Variants in EPHB4 observed in about 807,000 individuals in gnomAD.
EPHB4 encodes ephrin type-B receptor 4.
A neutral mutation model predicts 110.6 loss-of-function variants in EPHB4; 50 were observed. The observed-to-expected ratio is 0.45, with a 90% CI of 0.36 to 0.57. EPHB4 has a LOEUF of 0.57. Ranked by LOEUF, EPHB4 falls within the 20% of genes least tolerant of loss-of-function variation. EPHB4 has a pLI of 0.00. For synonymous variants in EPHB4, 592 were observed against 578.4 expected, an observed-to-expected ratio of 1.02 and a Z score of -0.34; for missense variants, 1,128 against 1,382.1, an observed-to-expected ratio of 0.82 and a Z score of 2.91.
chr7:100,804,557 T>C (rs1365731743), intron 16 of EPHB4, among the ~76,000 whole-genome samples: 2 of 151,356 alleles, frequency 1.3e-5, no homozygotes, highest in African/African-American at 4.9e-5. Context: ...TCAAGTGATC[T>C]GCCCACCTCG....
chr7:100,820,185 C>A lies in EPHB4; in HGVS notation c.920G>T (p.Gly307Val), dbSNP rs1223760279. The change falls in exon 5 of 17, where the codon GGG becomes GTG. Residue 307 changes from glycine (G) to valine (V), a missense_variant. Transcript: ENST00000358173. The stretch of plus-strand genomic sequence containing the variant: ...GGGGTCTGTGCGTGCCCGGAAGTAC[C>A]CGACGCGGCACTGGCAGACGGCTGA... ...IGSAVCQCRV[G>V]YFRARTDPRG... is the part of the protein sequence containing the mutation. 3 of 1,613,918 alleles carry A rather than the reference C, an allele frequency of 1.9e-6. No individual in the cohort carries two copies. The African/African-American group carries it at 4.0e-5, about 22-fold the overall frequency.
At position 100,822,984 on chromosome 7, in the gene EPHB4, G is replaced by C. The variant is rs1043059030; in HGVS notation, c.412-317C>G. On this transcript the variant is annotated intron_variant, in intron 3 of 16. Coordinates refer to ENST00000358173, the MANE Select transcript of EPHB4 (RefSeq NM_004444.5). This position sits in a 1 kb window ranked among gnomAD's most constrained non-coding sequence, Gnocchi z 4.7. ...GAGACAGCGATGAATGAATCCTGGGGAAGTTATAAAGTACCATGAGGCCGG... is the reference window on the plus strand; with the variant it reads ...GAGACAGCGATGAATGAATCCTGGGCAAGTTATAAAGTACCATGAGGCCGG... 1.3e-5 allele frequency among the ~76,000 whole-genome samples: 2 copies of C among 152,142 alleles called. No homozygotes were observed. Among genetic ancestry groups the C allele is most frequent in the Non-Finnish European group, 2.9e-5 (2 of 68,020 alleles).
intron 1 of EPHB4, 96 bp from the exon 2 acceptor site, chr7:100,824,369 GCT>G: frequency 7.5e-7 from 1 of 1,328,652 alleles, no homozygotes; most frequent in Non-Finnish European, 1.1e-6. Context: ...GATCCTCTTA[GCT>G]CTGAGCTAGA....
chr7:100,818,603 G>A lies in EPHB4; in HGVS notation c.1339C>T (p.Pro447Ser). The change falls in exon 7 of 17, where the codon CCC becomes TCC. Residue 447 changes from proline (P) to serine (S), a missense_variant. Physicochemically the swap from Pro to Ser is moderately conservative, Grantham distance 74. Transcript: ENST00000358173. ...GCCCAGGCCAGGCTCAAGCTGCTGG[G>A]TGAGGACCGCGTCACCCGGATGTCA... Reference protein sequence around the residue: ...VSDIRVTRSSPSSLSLAWAVP... With the variant: ...VSDIRVTRSSSSSLSLAWAVP... 6.2e-7 allele frequency: 1 copy of A among 1,613,264 alleles called. No individual in the cohort carries two copies.
At chr7:100,826,043 G>C (rs1044202531) in intron 1 of EPHB4, among the ~76,000 whole-genome samples, 1 of 152,114 alleles carries the variant, frequency 6.6e-6, no homozygotes, top group African/African-American at 2.4e-5. Context: ...CTTCCCTTTG[G>C]GAGTCCCTCA....
intron 1 of EPHB4, chr7:100,824,920 G>C (rs948709882): frequency 1.4e-4 from 21 of 152,600 alleles, no homozygotes; most frequent in African/African-American, 4.8e-4. Context: ...GTTATGGGAA[G>C]GCAGAGGGGA....
intron 9 of EPHB4, 25 bp from the exon 10 acceptor site, chr7:100,813,741 A>G (rs770626367): frequency 2.8e-5 from 45 of 1,614,024 alleles, no homozygotes; most frequent in Non-Finnish European, 3.6e-5. Flanking sequence ...AAAGGAACAA[A>G]AGGTAAACTG....
At chr7:100,804,096 C>T (rs1414354379) in intron 16 of EPHB4, among the ~76,000 whole-genome samples, 1 of 152,146 alleles carries the variant, frequency 6.6e-6, no homozygotes, top group African/African-American at 2.4e-5. Context: ...GCAGACTGGC[C>T]TGAGACCCTC....
chr7:100,806,481 A>G lies in EPHB4; in HGVS notation c.2423T>C (p.Ile808Thr). ...AAATGACATCACCTCCCACATCACA[A>G]TCCCGTAACTCCAGGCATCACTGGC... Reference protein sequence around the residue: ...TSASDAWSYGIVMWEVMSFGE... With the variant: ...TSASDAWSYGTVMWEVMSFGE... Residue 808 changes from isoleucine (I) to threonine (T), a missense_variant, in exon 14 of 17, where the codon ATT becomes ACT. By Grantham distance (89) the Ile-to-Thr change is moderately conservative (BLOSUM62 -1). This residue lies in a region of EPHB4 where 191 missense variants were observed against 313.0 expected (regional missense o/e 0.61). Coordinates refer to ENST00000358173, the MANE Select transcript of EPHB4 (RefSeq NM_004444.5). The G allele has an allele frequency of 6.2e-7, 1 of 1,613,936 alleles. No individual in the cohort carries two copies.
intron 16 of EPHB4, 137 bp from the exon 17 acceptor site, chr7:100,803,727 A>ACAGTTCC (rs1427901781): frequency 8.5e-7 from 1 of 1,178,282 alleles, no homozygotes; most frequent in African/African-American, 1.5e-5. Flanking sequence ...ACAGATGTCA[A>ACAGTTCC]CAGTTCCCGG....
chr7:100,807,734 T>A (rs1562967687), intron 12 of EPHB4, among the ~76,000 whole-genome samples, 154 bp from the exon 13 acceptor site: 1 of 151,922 alleles, frequency 6.6e-6, no homozygotes, highest in East Asian at 1.9e-4. Flanking sequence ...CTCAACCTCC[T>A]GGGCTCAGGC....
chr7:100,825,191 AAG>A (rs1255288903), intron 1 of EPHB4: 1 of 151,632 alleles, frequency 6.6e-6, no homozygotes, highest in East Asian at 1.9e-4. Context: ...AGAGAAGAGA[AAG>A]AGGGTGGGTG....
intron 6 of EPHB4, among the ~76,000 whole-genome samples, chr7:100,819,201 C>T (rs1181745904): frequency 6.6e-6 from 1 of 152,216 alleles, no homozygotes; most frequent in Non-Finnish European, 1.5e-5. Context: ...CAGCCTCCGA[C>T]TCCTGGGCTC....
chr7:100,808,417 G>A (rs910237743), intron 12 of EPHB4, among the ~76,000 whole-genome samples: 16 of 151,978 alleles, frequency 1.1e-4, no homozygotes, highest in Admixed American at 5.2e-4. Flanking sequence ...GGTAGATATG[G>A]GGTCTCACTG....
chr7:100,805,876 C>G, intron 14 of EPHB4, 182 bp from the exon 15 acceptor site: 1 of 525,692 alleles, frequency 1.9e-6, no homozygotes, highest in Non-Finnish European at 3.1e-6. Context: ...CCCAGCAGCT[C>G]TTGGGCTATG....
At position 100,824,208 on chromosome 7, in the gene EPHB4, C is replaced by T. The variant is rs759596805; in HGVS notation, c.118G>A (p.Gly40Arg). 8.7e-6 allele frequency: 14 copies of T among 1,613,970 alleles called. No individual in the cohort carries two copies. Among genetic ancestry groups the T allele is most frequent in the Non-Finnish European group, 1.2e-5 (14 of 1,180,002 alleles). Reference protein sequence around the residue: ...LKWVTFPQVDGQWEELSGLDE... With the variant: ...LKWVTFPQVDRQWEELSGLDE... ...CTCCTGGGTGCAGCTCTCACCTGCC[C>T]GTCCACCTGAGGGAATGTCACCCAC... Residue 40 changes from glycine to arginine, a missense_variant, in exon 2 of 17, where the codon GGG (glycine) becomes AGG (arginine). By Grantham distance (125) the Gly-to-Arg change is moderately radical. Around this residue, in one of 3 missense-constraint regions of EPHB4, gnomAD observed 728 missense variants for 828.6 expected, o/e 0.88. Transcript: ENST00000358173.
In EPHB4 at chr7:100,806,586, A is replaced by G; in HGVS notation, c.2335-17T>C. 6.2e-7 allele frequency: 1 copy of G among 1,608,930 alleles called. No homozygotes were observed. The highest frequency in any genetic ancestry group is 1.7e-5 in the Admixed American group (1 of 59,734). ...CTTTCCTCCCTGCAGAAAAAGGAGA[A>G]AAGGTGAGCTGGGGGACTCACTGAG... On this transcript the variant is annotated splice_polypyrimidine_tract_variant and intron_variant, in intron 13 of 16. Transcript: ENST00000358173.
At chr7:100,825,607 C>T (rs1813364070) in intron 1 of EPHB4, 1 of 152,362 alleles carries the variant, frequency 6.6e-6, no homozygotes, top group Non-Finnish European at 1.5e-5. Flanking sequence ...TCGCTTTCGG[C>T]CTCCACTTCT....
Position 100,805,938 on chromosome 7 carries a change from G to A in EPHB4, c.2485-244C>T, listed in dbSNP as rs765191063. 1.6e-4 allele frequency: 67 copies of A among 417,534 alleles called. 1 individual carries two copies. Among genetic ancestry groups the A allele is most frequent in the Non-Finnish European group, 2.3e-4 (54 of 239,564 alleles). 25.9% of individuals were successfully genotyped at this position (417,534 alleles called of 1,614,324 possible). ...GCCCTCCATCTCTGCATCCTTCTGC[G>A]ACCCAAATATGCTGTACCCAACTCT... On this transcript the variant is annotated intron_variant, in intron 14 of 16. Coordinates refer to ENST00000358173, the MANE Select transcript of EPHB4 (RefSeq NM_004444.5).
Sources: allele counts gnomAD v4.1 joint callset (sites outside exome capture counted in the v4.1 genomes callset), GRCh38; gene constraint gnomAD v4.1.1; regional missense constraint gnomAD v4.1.1; non-coding constraint Gnocchi (gnomAD v3.1); transcripts MANE v1.5; gene names NCBI Gene and HGNC (gene_info 2026-07-23, HGNC 2026-07-21).